VEGFA: variants seen among roughly 807,000 people sequenced by gnomAD.
The protein encoded by VEGFA is vascular endothelial growth factor A.
Under a neutral mutation model 49.7 loss-of-function variants are expected in VEGFA, and 20 were observed. The observed-to-expected ratio is 0.40, with a 90% CI of 0.28 to 0.58. The LOEUF (loss-of-function observed/expected upper bound fraction) is 0.58. Among genes scored for constraint, VEGFA ranks in the 20% least tolerant of loss-of-function variants. VEGFA has a pLI of 0.40. For synonymous variants in VEGFA, 219 were observed against 223.4 expected (o/e 0.98, Z 0.18); for missense variants, 505 against 553.5 (o/e 0.91, Z 0.88).
intron 5 of VEGFA, chr6:43,779,756 A>G (rs773739367): frequency 2.8e-5 from 13 of 459,360 alleles, no homozygotes; most frequent in Non-Finnish European, 4.8e-5. Context: ...CTTTCTCCTA[A>G]GGGGGACAGA....
intron 6 of VEGFA, 154 bp downstream of exon 6, chr6:43,780,957 C>T: frequency 2.5e-6 from 4 of 1,573,922 alleles, no homozygotes; most frequent in Middle Eastern, 2.2e-4. Flanking sequence ...TCTCTCACTC[C>T]ACTAATTGGC....
chr6:43,773,871 G>C lies in VEGFA; in HGVS notation c.607-470G>C, dbSNP rs74633831. 1 of 200,776 alleles carries C rather than the reference G, an allele frequency of 5.0e-6. No individual in the cohort carries two copies. The highest frequency in any genetic ancestry group is 2.2e-5 in the African/African-American group (1 of 44,490). The allele number at this position is 200,776 out of a possible 1,614,324, so 12.4% of individuals were successfully genotyped here. On this transcript the variant is annotated intron_variant, in intron 1 of 7. Coordinates refer to ENST00000672860, the MANE Select transcript of VEGFA (RefSeq NM_003376.6). This position sits in a 1 kb window ranked among gnomAD's most constrained non-coding sequence, Gnocchi z 5.6. Reference sequence around the variant, plus strand: ...CCGTCTCCAACACCAGCTCACCCTGGTATTTGTCATGTCAGCAGGAGAAGG... The same window carrying C: ...CCGTCTCCAACACCAGCTCACCCTGCTATTTGTCATGTCAGCAGGAGAAGG...
chr6:43,771,770 G>A lies in VEGFA; in HGVS notation c.606+458G>A, dbSNP rs182542995. The stretch of plus-strand genomic sequence containing the variant: ...GCAGAGAGCGTGGAGGGGGCAGGGC[G>A]CAGGAGGGAGAGGGGGCTTGCTGTC... On this transcript the variant is annotated intron_variant, in intron 1 of 7. Transcript: ENST00000672860. Among the ~76,000 whole-genome samples the A allele has an allele frequency of 2.2e-4, 33 of 152,296 alleles. No individual in the cohort carries two copies. In the East Asian group the frequency reaches 5.6e-3, roughly 26 times the overall value.
chr6:43,774,350 G>C lies in VEGFA; in HGVS notation c.616G>C (p.Ala206Pro). 6.2e-7 allele frequency: 1 copy of C among 1,614,180 alleles called. No homozygotes were observed. Among genetic ancestry groups the C allele is most frequent in the Non-Finnish European group, 8.5e-7 (1 of 1,180,036 alleles). ...CTCTTTCTGTCCTCAGTGGTCCCAG[G>C]CTGCACCCATGGCAGAAGGAGGAGG... The change falls in exon 2 of 8, where the codon GCT becomes CCT. Residue 206 changes from alanine to proline, a missense_variant. Transcript: ENST00000672860.
rs1274077553 is a variant in VEGFA, at chr6:43,773,962, T to A, written c.607-379T>A. 3.5e-6 allele frequency: 1 copy of A among 287,782 alleles called. No individual in the cohort carries two copies. Among genetic ancestry groups the A allele is most frequent in the East Asian group, 6.6e-5 (1 of 15,040 alleles). The allele number at this position is 287,782 out of a possible 1,614,324, so 17.8% of individuals were successfully genotyped here. A position where few individuals can be genotyped will look rare whatever the true frequency, so the allele number is the denominator to read the frequency against. On this transcript the variant is annotated intron_variant, in intron 1 of 7. Transcript: ENST00000672860. The surrounding 1 kb of genome is among the most constrained non-coding windows in gnomAD (Gnocchi z 5.6). ...CCCCAGTCCAAATTTGTCCTCCTAT[T>A]TGACCTTAATACTTACCATGGCTTT...
At position 43,777,394 on chromosome 6, in the gene VEGFA, A is replaced by C; in HGVS notation, c.659-75A>C. On this transcript the variant is annotated intron_variant, in intron 2 of 7. Coordinates refer to ENST00000672860, the MANE Select transcript of VEGFA (RefSeq NM_003376.6). This position sits in a 1 kb window ranked among gnomAD's most constrained non-coding sequence, Gnocchi z 4.3. ...CGGAAGCTCCAAAGAGTGGCATTACAGAGCTGGGTGGAGAGAGGGGCTAGC... is the reference window on the plus strand; with the variant it reads ...CGGAAGCTCCAAAGAGTGGCATTACCGAGCTGGGTGGAGAGAGGGGCTAGC... 10 of 1,547,466 alleles carry C rather than the reference A, an allele frequency of 6.5e-6. No homozygotes were observed. The highest frequency in any genetic ancestry group is 8.0e-6 in the Non-Finnish European group (9 of 1,125,250).
At chr6:43,779,549 G>A (rs377517382) in intron 5 of VEGFA, 10 of 381,126 alleles carry the variant, frequency 2.6e-5, no homozygotes, top group African/African-American at 1.3e-4. Context: ...TGGGCGGCTG[G>A]CATCAGCAAG....
intron 7 of VEGFA, chr6:43,784,215 C>G (rs969932157): frequency 1.1e-5 from 5 of 472,836 alleles, no homozygotes; most frequent in Non-Finnish European, 1.6e-5. Flanking sequence ...CAAGTGGGGA[C>G]TGTTCTTTGG....
chr6:43,777,998 G>A lies in VEGFA; in HGVS notation c.855+333G>A. 1 of 460,166 alleles carries A rather than the reference G, an allele frequency of 2.2e-6. No individual in the cohort carries two copies. Among genetic ancestry groups the A allele is most frequent in the Non-Finnish European group, 4.0e-6 (1 of 251,678 alleles). The allele number at this position is 460,166 out of a possible 1,614,324, so 28.5% of individuals were successfully genotyped here. On this transcript the variant is annotated intron_variant, in intron 3 of 7. Transcript: ENST00000672860. The surrounding 1 kb of genome is among the most constrained non-coding windows in gnomAD (Gnocchi z 4.3). ...CCTTCTTGGGGGCTTTGTTTGGGAA[G>A]CTGGATGAGCCTGGTCCATGGAGAG...
intron 4 of VEGFA, 163 bp from the exon 5 acceptor site, chr6:43,778,726 T>G: frequency 1.0e-6 from 1 of 987,098 alleles, no homozygotes; most frequent in Non-Finnish European, 1.6e-6. Flanking sequence ...TTCATAGCAT[T>G]GTTATAATGA....
At position 43,782,577 on chromosome 6, in the gene VEGFA, G is replaced by C. The variant is rs1308915990; in HGVS notation, c.1166+490G>C. 3 of 243,606 alleles carry C rather than the reference G, an allele frequency of 1.2e-5. No individual in the cohort carries two copies. In the East Asian group the frequency reaches 3.1e-4, roughly 25 times the overall value. 15.1% of individuals were successfully genotyped at this position (243,606 alleles called of 1,614,324 possible). A position where few individuals can be genotyped will look rare whatever the true frequency, so the allele number is the denominator to read the frequency against. On this transcript the variant is annotated intron_variant, in intron 7 of 7. Transcript: ENST00000672860. ...TCTCACTCACTCAGTGTTTCTTGCT[G>C]GGGGAAGGAATTGAGTCTCCCACTT... is the stretch of plus-strand genomic sequence containing the variant.
intron 1 of VEGFA, chr6:43,771,925 C>G (rs1346454920): frequency 1.3e-6 from 1 of 760,018 alleles, no homozygotes; most frequent in Non-Finnish European, 1.6e-6. Flanking sequence ...GCTCGCGTCC[C>G]GCTCGGTGCC....
chr6:43,778,831 T>C, intron 4 of VEGFA, 58 bp from the exon 5 acceptor site: 1 of 1,579,832 alleles, frequency 6.3e-7, no homozygotes, highest in Non-Finnish European at 8.7e-7. Context: ...CCTATCATTA[T>C]CATCACCATC....
At chr6:43,782,653 GT>G in intron 7 of VEGFA, 1 of 201,654 alleles carries the variant, frequency 5.0e-6, no homozygotes, top group Non-Finnish European at 1.0e-5. Flanking sequence ...TCAGACTGAG[GT>G]TCCCTGAGGG....
At chr6:43,778,743 A>ATTTTC in intron 4 of VEGFA, 146 bp from the exon 5 acceptor site, 2 of 1,043,372 alleles carry the variant, frequency 1.9e-6, no homozygotes, top group Non-Finnish European at 2.9e-6. Context: ...ATGATTAAAC[A>ATTTTC]AGTTATATAT....
intron 6 of VEGFA, 61 bp from the exon 7 acceptor site, chr6:43,781,895 T>A: frequency 6.2e-7 from 1 of 1,605,994 alleles, no homozygotes; most frequent in Non-Finnish European, 8.5e-7. Flanking sequence ...GCATGGTGAT[T>A]TTTTTTCTCT....
In VEGFA at chr6:43,786,067, A is replaced by C. The variant is rs1338934938; in HGVS notation, c.*1505A>C. 1.1e-5 allele frequency: 2 copies of C among 182,108 alleles called. No individual in the cohort carries two copies. The highest frequency in any genetic ancestry group is 2.3e-5 in the Non-Finnish European group (2 of 85,500). 11.3% of individuals were successfully genotyped at this position (182,108 alleles called of 1,614,324 possible). A position where few individuals can be genotyped will look rare whatever the true frequency, so the allele number is the denominator to read the frequency against. ...GCCCTCCCCGATCCCCTGGCTCCCC[A>C]GCACACATTCCTTTGAAATAAGGTT... is the stretch of plus-strand genomic sequence containing the variant. On this transcript the variant is annotated 3_prime_UTR_variant, in exon 8 of 8. Coordinates refer to ENST00000672860, the MANE Select transcript of VEGFA (RefSeq NM_003376.6).
At chr6:43,784,422 C>T (rs1350876628) in intron 7 of VEGFA, 119 bp from the exon 8 acceptor site, 2 of 958,778 alleles carry the variant, frequency 2.1e-6, no homozygotes, top group African/African-American at 1.6e-5. Context: ...CCTCTCTGCT[C>T]TTATGGTGCC....
intron 1 of VEGFA, 141 bp downstream of exon 1, chr6:43,771,453 G>A: frequency 2.2e-6 from 2 of 897,540 alleles, no homozygotes; most frequent in Non-Finnish European, 1.6e-6. Context: ...CCCCTCTGTC[G>A]TCTTAGGTGC....
Sources: allele counts gnomAD v4.1 joint callset (sites outside exome capture counted in the v4.1 genomes callset), GRCh38; gene constraint gnomAD v4.1.1; non-coding constraint Gnocchi (gnomAD v3.1); transcripts MANE v1.5; gene names NCBI Gene and HGNC (gene_info 2026-07-23, HGNC 2026-07-21).